The following MIPOL1 variants were observed in gnomAD, a reference collection of about 807,000 sequenced individuals.
MIPOL1 encodes mirror-image polydactyly 1.
In MIPOL1, 57 loss-of-function variants were observed where a neutral mutation model predicts 60.9. That is an observed-to-expected ratio of 0.94 (90% CI 0.76 to 1.17). The LOEUF is 1.17. Ranked by LOEUF, MIPOL1 falls within the 50% of genes most tolerant of loss-of-function variation. The pLI is 0.00. For synonymous variants in MIPOL1, 179 were observed against 168.8 expected (o/e 1.06, Z -0.47); for missense variants, 551 against 511.6 (o/e 1.08, Z -0.74).
chr14:37,286,599 CAG>C (rs1398964348), intron 7 of MIPOL1, among the ~76,000 whole-genome samples: 1 of 152,034 alleles, frequency 6.6e-6, no homozygotes, highest in East Asian at 1.9e-4. Flanking sequence ...TGTGGAGGAA[CAG>C]AGTAAAGTAC....
chr14:37,198,664 A>G (rs1964728802), intron 1 of MIPOL1, among the ~76,000 whole-genome samples: 1 of 152,034 alleles, frequency 6.6e-6, no homozygotes, highest in South Asian at 2.1e-4. Flanking sequence ...GGATGGAGGG[A>G]ACAAGACAGC....
chr14:37,224,533 T>G (rs1157875458), intron 1 of MIPOL1, among the ~76,000 whole-genome samples: 1 of 152,120 alleles, frequency 6.6e-6, no homozygotes, highest in African/African-American at 2.4e-5. Flanking sequence ...GGATTTCCCC[T>G]TATAGAACCA....
At position 37,369,520 on chromosome 14, in the gene MIPOL1, A is replaced by G; in HGVS notation, c.832A>G (p.Lys278Glu). The change falls in exon 10 of 13, where the codon AAA becomes GAA. Residue 278 changes from lysine to glutamate, a missense_variant. By Grantham distance (56) the Lys-to-Glu change is moderately conservative. Transcript: ENST00000684589. Reference protein sequence around the residue: ...EERDAALSKCKRLEQELHHVK... With the variant: ...EERDAALSKCERLEQELHHVK... ...TGGGATTCTTCCCCTGTGGCAGTGCAAACGGTTAGAGCAGGAGCTTCATCA... is the reference window on the plus strand; with the variant it reads ...TGGGATTCTTCCCCTGTGGCAGTGCGAACGGTTAGAGCAGGAGCTTCATCA... 6.2e-7 allele frequency: 1 copy of G among 1,610,504 alleles called. No homozygotes were observed. Among genetic ancestry groups the G allele is most frequent in the Non-Finnish European group, 8.5e-7 (1 of 1,177,702 alleles).
intron 11 of MIPOL1, among the ~76,000 whole-genome samples, chr14:37,475,824 T>A (rs1448134990): frequency 1.3e-5 from 2 of 152,214 alleles, no homozygotes; most frequent in African/African-American, 4.8e-5. Context: ...TTGATTACCA[T>A]AGCGGTATAG....
chr14:37,486,438 A>G (rs915700449), intron 11 of MIPOL1, among the ~76,000 whole-genome samples: 8 of 152,134 alleles, frequency 5.3e-5, no homozygotes, highest in Non-Finnish European at 1.0e-4. Flanking sequence ...GCCATTTTCA[A>G]GATATAGATT....
chr14:37,315,070 G>A (rs930097634), intron 9 of MIPOL1, among the ~76,000 whole-genome samples: 1 of 152,134 alleles, frequency 6.6e-6, no homozygotes, highest in African/African-American at 2.4e-5. Flanking sequence ...AATAGTTAAT[G>A]TATAGTGACA....
chr14:37,552,332 A>G (rs1410601789), downstream of MIPOL1: 1 of 152,234 alleles, frequency 6.6e-6, no homozygotes, highest in Non-Finnish European at 1.5e-5. Context: ...TTTTTAAAAT[A>G]AGAATGAACG....
chr14:37,326,176 C>G (rs1353461680), intron 9 of MIPOL1, among the ~76,000 whole-genome samples: 8 of 152,140 alleles, frequency 5.3e-5, no homozygotes, highest in African/African-American at 1.7e-4. Flanking sequence ...TCTTACCCAG[C>G]CCCTCAAGGG....
At chr14:37,365,173 T>G (rs957014275) in intron 9 of MIPOL1, among the ~76,000 whole-genome samples, 1 of 152,204 alleles carries the variant, frequency 6.6e-6, no homozygotes, top group Non-Finnish European at 1.5e-5. Flanking sequence ...TTTGACTTCT[T>G]CCATTCCAGT....
chr14:37,493,888 A>T (rs757593969), intron 11 of MIPOL1, among the ~76,000 whole-genome samples: 15 of 152,178 alleles, frequency 9.9e-5, no homozygotes, highest in Non-Finnish European at 1.6e-4. Context: ...TGTAACTTAA[A>T]ATATGTTCCT....
intron 6 of MIPOL1, among the ~76,000 whole-genome samples, chr14:37,273,485 C>A (rs982415897): frequency 6.6e-6 from 1 of 150,940 alleles, no homozygotes; most frequent in African/African-American, 2.4e-5. Context: ...CCATTTTTTA[C>A]CCACACCCTT....
At chr14:37,320,403 A>T (rs183770423) in intron 9 of MIPOL1, among the ~76,000 whole-genome samples, 1 of 152,190 alleles carries the variant, frequency 6.6e-6, no homozygotes, top group East Asian at 1.9e-4. Flanking sequence ...CCTAATGACT[A>T]ATGATGTTGG....
At chr14:37,482,066 A>T (rs577471038) in intron 11 of MIPOL1, among the ~76,000 whole-genome samples, 1 of 152,200 alleles carries the variant, frequency 6.6e-6, no homozygotes, top group South Asian at 2.1e-4. Flanking sequence ...AAAAGAAAAA[A>T]ATAGACAGAT....
chr14:37,431,046 G>C (rs1251457906), intron 11 of MIPOL1, among the ~76,000 whole-genome samples: 2 of 152,204 alleles, frequency 1.3e-5, no homozygotes, highest in Non-Finnish European at 2.9e-5. Context: ...CTTAATGGTT[G>C]TGCCTAGCAA....
intron 9 of MIPOL1, among the ~76,000 whole-genome samples, chr14:37,349,760 C>T (rs1171703869): frequency 2.0e-5 from 3 of 151,934 alleles, no homozygotes; most frequent in Non-Finnish European, 4.4e-5. Flanking sequence ...TTACTTATTT[C>T]GTTTATTGTC....
intron 9 of MIPOL1, among the ~76,000 whole-genome samples, chr14:37,313,088 T>C (rs1052931221): frequency 6.6e-6 from 1 of 152,150 alleles, no homozygotes; most frequent in Non-Finnish European, 1.5e-5. Flanking sequence ...ACCCATCTTC[T>C]CTTAATATCT....
chr14:37,229,649 G>GA (rs1166326121), intron 1 of MIPOL1, among the ~76,000 whole-genome samples: 3 of 152,088 alleles, frequency 2.0e-5, no homozygotes, highest in African/African-American at 7.2e-5. Flanking sequence ...CTATTAGGAG[G>GA]AAAAATCTGT....
chr14:37,486,299 G>A (rs1177135402), intron 11 of MIPOL1, among the ~76,000 whole-genome samples: 1 of 152,094 alleles, frequency 6.6e-6, no homozygotes, highest in African/African-American at 2.4e-5. Flanking sequence ...TTTTTGCTTA[G>A]GATTGTCTTG....
chr14:37,340,299 T>C (rs1437121081), intron 9 of MIPOL1, among the ~76,000 whole-genome samples: 1 of 152,194 alleles, frequency 6.6e-6, no homozygotes, highest in Non-Finnish European at 1.5e-5. Flanking sequence ...AAAAAGCTTA[T>C]AGAAAGAAGA....
Sources: allele counts gnomAD v4.1 joint callset (sites outside exome capture counted in the v4.1 genomes callset), GRCh38; gene constraint gnomAD v4.1.1; transcripts MANE v1.5; gene names NCBI Gene and HGNC (gene_info 2026-07-23, HGNC 2026-07-21).